Variants in IGF1R observed in about 807,000 individuals in gnomAD.
The protein encoded by IGF1R is insulin-like growth factor 1 receptor.
Under a neutral mutation model 144.6 loss-of-function variants are expected in IGF1R, and 44 were observed. The observed-to-expected ratio is 0.30, with a 90% CI of 0.24 to 0.39. The LOEUF (loss-of-function observed/expected upper bound fraction) is 0.39, where lower values mean the gene tolerates loss of function less well. Ranked by LOEUF, IGF1R falls within the 10% of genes least tolerant of loss-of-function variation. The probability of loss-of-function intolerance (pLI) is 1.00; values close to 1 mark genes in which losing one functional copy is unlikely to be tolerated. For missense variants in IGF1R, 1,355 were observed against 1,833.7 expected (o/e 0.74, Z 4.77); for synonymous variants, 795 against 722.8 (o/e 1.10, Z -1.60).
intron 2 of IGF1R, among the ~76,000 whole-genome samples, chr15:98,747,190 T>C (rs561807459): frequency 1.9e-3 from 191 of 99,346 alleles, no homozygotes; most frequent in African/African-American, 3.6e-3. Context: ...AATTTGTCGT[T>C]GTTGTTGTTG....
At chr15:98,827,557 T>C (rs1176285633) in intron 2 of IGF1R, among the ~76,000 whole-genome samples, 1 of 152,212 alleles carries the variant, frequency 6.6e-6, no homozygotes, top group African/African-American at 2.4e-5. Flanking sequence ...ACCACTTCTT[T>C]TGTAATTGGC....
At chr15:98,651,193 C>T (rs997816912) in intron 1 of IGF1R, 1 of 332,160 alleles carries the variant, frequency 3.0e-6, no homozygotes, top group Non-Finnish European at 4.3e-6. Flanking sequence ...GGTTGTATGG[C>T]CCCATCACCG....
chr15:98,814,460 C>T (rs1433767960), intron 2 of IGF1R, among the ~76,000 whole-genome samples: 1 of 152,194 alleles, frequency 6.6e-6, no homozygotes, highest in Non-Finnish European at 1.5e-5. Flanking sequence ...AAGCGATCCT[C>T]AACCTCCTGA....
intron 2 of IGF1R, among the ~76,000 whole-genome samples, chr15:98,853,481 C>A (rs2011628397): frequency 6.6e-6 from 1 of 152,200 alleles, no homozygotes. Flanking sequence ...ATGTGGCATT[C>A]AGTTCAAAAA....
rs368114645 is a variant in IGF1R, at chr15:98,924,498, A to G, written c.2623-27A>G. 2.6e-4 allele frequency: 425 copies of G among 1,613,396 alleles called. 2 individuals carry two copies. The highest frequency in any genetic ancestry group is 1.5e-3 in the Middle Eastern group (9 of 6,058). ...CAGATTTCTCCTGCATTCATGGGAAATTGACATGTATGTTTTATTTCCCCA... is the reference window on the plus strand; with the variant it reads ...CAGATTTCTCCTGCATTCATGGGAAGTTGACATGTATGTTTTATTTCCCCA... On this transcript the variant is annotated intron_variant, in intron 12 of 20. Transcript: ENST00000650285.
intron 2 of IGF1R, among the ~76,000 whole-genome samples, chr15:98,768,313 T>G (rs1233103468): frequency 6.6e-6 from 1 of 152,164 alleles, no homozygotes; most frequent in Admixed American, 6.5e-5. Flanking sequence ...GTATCAAATT[T>G]TAAAGTAAAA....
At chr15:98,903,315 G>C (rs2014574948) in intron 5 of IGF1R, among the ~76,000 whole-genome samples, 1 of 152,212 alleles carries the variant, frequency 6.6e-6, no homozygotes, top group East Asian at 1.9e-4. Context: ...TTGAAAAGAA[G>C]AAGGAAAAAG....
chr15:98,855,461 A>G (rs1386242849), intron 2 of IGF1R, among the ~76,000 whole-genome samples: 1 of 152,236 alleles, frequency 6.6e-6, no homozygotes. Context: ...TATCATCCAT[A>G]GATGGAGATG....
intron 1 of IGF1R, among the ~76,000 whole-genome samples, chr15:98,652,690 G>GTGA (rs2052398354): frequency 6.6e-6 from 1 of 152,174 alleles, no homozygotes; most frequent in Non-Finnish European, 1.5e-5. Context: ...TCCGGTTTAT[G>GTGA]TGAAATGTCT....
chr15:98,806,750 G>A (rs1465273398), intron 2 of IGF1R, among the ~76,000 whole-genome samples: 1 of 152,160 alleles, frequency 6.6e-6, no homozygotes, highest in Non-Finnish European at 1.5e-5. Context: ...TTAGTAAGAG[G>A]GATATAGCCA....
chr15:98,725,943 A>G lies in IGF1R; in HGVS notation c.640+17836A>G, dbSNP rs565581154. On this transcript the variant is annotated intron_variant, in intron 2 of 20. Transcript: ENST00000650285. ...GGGAAAGACCAGCCCTCATGATTCAATTACCTCACCTGGGTCCTTCCCATA... is the reference window on the plus strand; with the variant it reads ...GGGAAAGACCAGCCCTCATGATTCAGTTACCTCACCTGGGTCCTTCCCATA... Among the ~76,000 whole-genome samples, 505 of 152,296 alleles carry G rather than the reference A, an allele frequency of 3.3e-3. 1 individual carries two copies. Among genetic ancestry groups the G allele is most frequent in the Admixed American group, 5.4e-3 (82 of 15,294 alleles).
intron 1 of IGF1R, among the ~76,000 whole-genome samples, chr15:98,666,993 A>G (rs1308655054): frequency 2.0e-5 from 3 of 152,238 alleles, no homozygotes; most frequent in East Asian, 1.9e-4. Context: ...ATTCAAGGAG[A>G]CCAGTCCTTG....
Position 98,741,235 on chromosome 15 carries a change from C to CTT in IGF1R, c.640+33153_640+33154dup, listed in dbSNP as rs540942858. 3.0e-3 allele frequency among the ~76,000 whole-genome samples: 208 copies of CTT among 70,320 alleles called. 17 individuals carry two copies. Among genetic ancestry groups the CTT allele is most frequent in the African/African-American group, 0.012 (172 of 14,354 alleles). 46.1% of individuals were successfully genotyped at this position (70,320 alleles called of 152,430 possible). The stretch of plus-strand genomic sequence containing the variant: ...TATGGCTTTATATAGTTTTCCTGAG[C>CTT]TTTTTTTTTTTTTTTTTTTTTTTTT... On this transcript the variant is annotated intron_variant, in intron 2 of 20. Transcript: ENST00000650285.
At chr15:98,756,048 A>G (rs571154003) in intron 2 of IGF1R, among the ~76,000 whole-genome samples, 23 of 152,232 alleles carry the variant, frequency 1.5e-4, no homozygotes, top group Non-Finnish European at 2.6e-4. Flanking sequence ...ATCTTTGGAT[A>G]TGTTGCTATT....
chr15:98,848,437 G>A (rs1433394924), intron 2 of IGF1R, among the ~76,000 whole-genome samples: 1 of 152,196 alleles, frequency 6.6e-6, no homozygotes, highest in African/African-American at 2.4e-5. Flanking sequence ...AGCCAAGATA[G>A]TGCCATCCTC....
At chr15:98,940,590 A>G (rs187211251) in intron 18 of IGF1R, among the ~76,000 whole-genome samples, 9 of 151,934 alleles carry the variant, frequency 5.9e-5, no homozygotes, top group Admixed American at 2.6e-4. Flanking sequence ...TTTTTAGTAG[A>G]AACAGGTTTT....
intron 2 of IGF1R, among the ~76,000 whole-genome samples, chr15:98,826,483 GT>G (rs1567148504): frequency 6.6e-6 from 1 of 152,152 alleles, no homozygotes. Flanking sequence ...GTAATTTATC[GT>G]TGAAGGGCAT....
At chr15:98,883,633 G>A (rs1035118683) in intron 2 of IGF1R, among the ~76,000 whole-genome samples, 2 of 152,190 alleles carry the variant, frequency 1.3e-5, no homozygotes, top group South Asian at 2.1e-4. Flanking sequence ...TTTACGAGGC[G>A]AGAGCATGGT....
chr15:98,715,550 C>G (rs1860156412), intron 2 of IGF1R, among the ~76,000 whole-genome samples: 3 of 152,192 alleles, frequency 2.0e-5, no homozygotes, highest in Admixed American at 2.0e-4. Flanking sequence ...GTCTTGCTTT[C>G]CTCATGTGTA....
Sources: allele counts gnomAD v4.1 joint callset (sites outside exome capture counted in the v4.1 genomes callset), GRCh38; gene constraint gnomAD v4.1.1; transcripts MANE v1.5; gene names NCBI Gene and HGNC (gene_info 2026-07-23, HGNC 2026-07-21).